RGS9: variants seen among roughly 807,000 people sequenced by gnomAD.
RGS9 encodes the protein regulator of G protein signaling 9, also known as regulator of G-protein signalling 9.
Under a neutral mutation model 102.0 loss-of-function variants are expected in RGS9, and 78 were observed. The ratio of observed to expected loss-of-function variants is 0.76; its 90% CI spans 0.64 to 0.92. The LOEUF (loss-of-function observed/expected upper bound fraction) is 0.92. Ranked by LOEUF, RGS9 falls within the 40% of genes least tolerant of loss-of-function variation. The pLI is 0.00. For synonymous variants in RGS9, 353 were observed against 318.6 expected (o/e 1.11, Z -1.15); for missense variants, 833 against 866.1 (o/e 0.96, Z 0.48).
intron 8 of RGS9, among the ~76,000 whole-genome samples, chr17:65,168,640 A>G (rs561528564): frequency 1.4e-4 from 21 of 151,360 alleles, no homozygotes; most frequent in Non-Finnish European, 2.4e-4. Context: ...GGAGGCGCCA[A>G]TGCAGAAAAA....
intron 9 of RGS9, among the ~76,000 whole-genome samples, chr17:65,178,934 CA>C (rs1307283173): frequency 6.6e-6 from 1 of 152,214 alleles, no homozygotes; most frequent in Non-Finnish European, 1.5e-5. Flanking sequence ...TCCTAACAAT[CA>C]AAAATGTCTC....
rs1364977649 is a variant in RGS9, at chr17:65,206,010, T to C, written c.1203+1709T>C. 3.9e-5 allele frequency among the ~76,000 whole-genome samples: 6 copies of C among 152,212 alleles called. 1 individual carries two copies. The highest frequency in any genetic ancestry group is 4.1e-4 in the South Asian group (2 of 4,830). On this transcript the variant is annotated intron_variant, in intron 15 of 18. Transcript: ENST00000262406. ...GGGTTATATGAGATAGGTTATATGA[T>C]GTGGTTTATATGATATAGGCTATGT... is the stretch of plus-strand genomic sequence containing the variant.
In RGS9 at chr17:65,140,086, TG is replaced by T. The variant is rs77735390; in HGVS notation, c.57+2491del. Among the ~76,000 whole-genome samples, 74 of 152,316 alleles carry T rather than the reference TG, an allele frequency of 4.9e-4. 1 individual carries two copies. In the East Asian group the frequency reaches 6.4e-3, roughly 13 times the overall value. Reference sequence around the variant, plus strand: ...CATCTATTTCATTAGCTGGAGGTTATGGCCACCATTTTACAGAGAAGAAAGC... The same window carrying T: ...CATCTATTTCATTAGCTGGAGGTTATGCCACCATTTTACAGAGAAGAAAGC... On this transcript the variant is annotated intron_variant, in intron 1 of 18. Transcript: ENST00000262406.
intron 3 of RGS9, chr17:65,158,695 G>C: frequency 4.9e-6 from 2 of 406,136 alleles, no homozygotes; most frequent in Non-Finnish European, 9.3e-6. Context: ...ACACTAGCAA[G>C]AGCAATGGTT....
chr17:65,156,250 T>C (rs571809412), intron 2 of RGS9, among the ~76,000 whole-genome samples: 37 of 152,356 alleles, frequency 2.4e-4, no homozygotes, highest in African/African-American at 8.7e-4. Context: ...CTCGAACTCC[T>C]GACCTCAGGT....
At chr17:65,161,902 G>A (rs1911000779) in intron 6 of RGS9, among the ~76,000 whole-genome samples, 1 of 149,400 alleles carries the variant, frequency 6.7e-6, no homozygotes, top group Non-Finnish European at 1.5e-5. Flanking sequence ...AGAGACAGGA[G>A]GCCCAGGCTA....
intron 11 of RGS9, among the ~76,000 whole-genome samples, chr17:65,192,578 C>A (rs1912409221): frequency 6.6e-6 from 1 of 150,378 alleles, no homozygotes; most frequent in South Asian, 2.1e-4. Flanking sequence ...TGCATCACTG[C>A]ACTCCAGCCT....
chr17:65,186,088 A>C (rs1912103576), intron 9 of RGS9, among the ~76,000 whole-genome samples: 1 of 151,468 alleles, frequency 6.6e-6, no homozygotes, highest in African/African-American at 2.4e-5. Context: ...CACCATCATG[A>C]GTGTTAAGGA....
At chr17:65,187,592 T>A (rs1444559048) in intron 9 of RGS9, among the ~76,000 whole-genome samples, 4 of 152,214 alleles carry the variant, frequency 2.6e-5, no homozygotes, top group African/African-American at 4.8e-5. Flanking sequence ...CAGTGTTTAT[T>A]TTGCTGACTG....
intron 9 of RGS9, among the ~76,000 whole-genome samples, chr17:65,182,330 G>A (rs1237332380): frequency 6.6e-6 from 1 of 152,238 alleles, no homozygotes; most frequent in East Asian, 1.9e-4. Context: ...CTGCGTGCCA[G>A]GCATGGACCT....
chr17:65,183,401 A>T (rs2144048752), intron 9 of RGS9, among the ~76,000 whole-genome samples: 1 of 152,160 alleles, frequency 6.6e-6, no homozygotes, highest in South Asian at 2.1e-4. Context: ...AGGATTACAG[A>T]TGTGAGCCAC....
At chr17:65,206,537 G>A (rs1913070568) in intron 15 of RGS9, among the ~76,000 whole-genome samples, 1 of 152,128 alleles carries the variant, frequency 6.6e-6, no homozygotes, top group South Asian at 2.1e-4. Flanking sequence ...AATTAGCTGG[G>A]CGTGGTGGTG....
intron 2 of RGS9, among the ~76,000 whole-genome samples, chr17:65,155,090 C>T (rs1484409502): frequency 6.6e-6 from 1 of 152,192 alleles, no homozygotes; most frequent in African/African-American, 2.4e-5. Flanking sequence ...TATAGAGCAG[C>T]TCATGGAGGA....
intron 17 of RGS9, among the ~76,000 whole-genome samples, chr17:65,212,830 C>G (rs1913355251): frequency 6.6e-6 from 1 of 152,110 alleles, no homozygotes; most frequent in African/African-American, 2.4e-5. Context: ...TGGAAGGTAC[C>G]CCAAGTAGAA....
rs145581043 is a variant in RGS9 at position 65,193,823 on chromosome 17, C to T, written c.860+167C>T. Among the ~76,000 whole-genome samples the T allele has an allele frequency of 4.3e-3, 660 of 152,240 alleles. 5 individuals are homozygous for T. Among genetic ancestry groups the T allele is most frequent in the African/African-American group, 0.015 (631 of 41,526 alleles). On this transcript the variant is annotated intron_variant, in intron 12 of 18. Transcript: ENST00000262406. ...CATTACACAAAAAAGAAACCCTGGA[C>T]GCCCTCCAGCCTTAGGCAACTATGA...
At chr17:65,207,479 T>C (rs1412727840) in intron 15 of RGS9, among the ~76,000 whole-genome samples, 2 of 152,244 alleles carry the variant, frequency 1.3e-5, no homozygotes, top group African/African-American at 2.4e-5. Context: ...TCTCACCTGT[T>C]TGGCATGTAG....
At chr17:65,224,973 A>G in intron 17 of RGS9, 29 bp from the exon 18 acceptor site, 1 of 1,612,070 alleles carries the variant, frequency 6.2e-7, no homozygotes, top group Non-Finnish European at 8.5e-7. Flanking sequence ...GCAACTCACC[A>G]CTGAGCTCTC....
In RGS9 at chr17:65,227,251, C is replaced by T. The variant is rs924726740; in HGVS notation, c.1893-24C>T. ...CCCTCCTGCCCCTGCCCCTACATTA[C>T]TGGCTTTCCTCTTGCACCTGAAGCT... On this transcript the variant is annotated intron_variant, in intron 18 of 18. Coordinates refer to ENST00000262406, the MANE Select transcript of RGS9 (RefSeq NM_003835.4). The T allele has an allele frequency of 4.3e-6, 7 of 1,614,006 alleles. No homozygotes were observed. The East Asian group carries it at 8.9e-5, about 21-fold the overall frequency.
At chr17:65,179,729 G>C (rs924006078) in intron 9 of RGS9, among the ~76,000 whole-genome samples, 1 of 150,788 alleles carries the variant, frequency 6.6e-6, no homozygotes, top group African/African-American at 2.5e-5. Flanking sequence ...TGAGAGGGAA[G>C]CTAAGGAGCT....
Sources: allele counts gnomAD v4.1 joint callset (sites outside exome capture counted in the v4.1 genomes callset), GRCh38; gene constraint gnomAD v4.1.1; transcripts MANE v1.5; gene names NCBI Gene and HGNC (gene_info 2026-07-23, HGNC 2026-07-21).